The following PACS2 variants were observed in gnomAD, a reference collection of about 807,000 sequenced individuals.
The protein encoded by PACS2 is phosphofurin acidic cluster sorting protein 2.
Under a neutral mutation model 113.0 loss-of-function variants are expected in PACS2, and 36 were observed. The ratio of observed to expected loss-of-function variants is 0.32; its 90% CI spans 0.24 to 0.42. The LOEUF (loss-of-function observed/expected upper bound fraction) is 0.42, where lower values mean the gene tolerates loss of function less well. Among genes scored for constraint, PACS2 ranks in the 10% least tolerant of loss-of-function variants. The pLI is 1.00. For synonymous variants in PACS2, 589 were observed against 536.1 expected (o/e 1.10, Z -1.36); for missense variants, 1,015 against 1,239.5 (o/e 0.82, Z 2.72).
At chr14:105,322,676 A>G (rs1490808267) in intron 1 of PACS2, among the ~76,000 whole-genome samples, 1 of 152,146 alleles carries the variant, frequency 6.6e-6, no homozygotes, top group East Asian at 1.9e-4. Context: ...GTTTATATTT[A>G]TATGATTTTG....
rs2060923793 is a variant in PACS2 at position 105,365,808 on chromosome 14, A to C, written c.424-1405A>C. Among the ~76,000 whole-genome samples, 1 of 152,040 alleles carries C rather than the reference A, an allele frequency of 6.6e-6. No individual in the cohort carries two copies. The highest frequency in any genetic ancestry group is 2.4e-5 in the African/African-American group (1 of 41,384). ...CTGAGACCCTGCCACATCAGATGCC[A>C]CTCTGAGAAGGCGACTCAGGGTGCT... On this transcript the variant is annotated intron_variant, in intron 4 of 24. Coordinates refer to ENST00000447393, the MANE Select transcript of PACS2 (RefSeq NM_001100913.3). This position sits in a 1 kb window ranked among gnomAD's most constrained non-coding sequence, Gnocchi z 5.1.
chr14:105,301,430 G>A (rs2058021316), intron 1 of PACS2, among the ~76,000 whole-genome samples: 1 of 151,622 alleles, frequency 6.6e-6, no homozygotes, highest in South Asian at 2.1e-4. Flanking sequence ...GGGGCTTGAG[G>A]CGAGGGGGCC....
intron 1 of PACS2, among the ~76,000 whole-genome samples, chr14:105,304,315 C>A (rs2058116515): frequency 6.6e-6 from 1 of 152,058 alleles, no homozygotes; most frequent in Admixed American, 6.6e-5. Flanking sequence ...CATGGTGAAA[C>A]CCATCTTTCC....
In PACS2 at chr14:105,329,655, G is replaced by T. The variant is rs1358110713; in HGVS notation, c.119+14618G>T. ...GGGCTTCTCACGATGGCTCAGGGAG[G>T]TCCAGACAGCCCCCTTGTCTAGGTG... On this transcript the variant is annotated intron_variant, in intron 1 of 24. Coordinates refer to ENST00000447393, the MANE Select transcript of PACS2 (RefSeq NM_001100913.3). The surrounding 1 kb of genome is among the most constrained non-coding windows in gnomAD (Gnocchi z 6.4). Among the ~76,000 whole-genome samples, 1 of 152,180 alleles carries T rather than the reference G, an allele frequency of 6.6e-6. No homozygotes were observed. Among genetic ancestry groups the T allele is most frequent in the Non-Finnish European group, 1.5e-5 (1 of 68,020 alleles).
chr14:105,341,106 C>G (rs962574505), intron 1 of PACS2, among the ~76,000 whole-genome samples: 1 of 152,268 alleles, frequency 6.6e-6, no homozygotes, highest in African/African-American at 2.4e-5. Flanking sequence ...GCGGGGAGAG[C>G]ACACAGTGCG....
chr14:105,315,039 T>C lies in PACS2; in HGVS notation c.119+2T>C. 8.5e-7 allele frequency: 1 copy of C among 1,179,936 alleles called. No individual in the cohort carries two copies. Among genetic ancestry groups the C allele is most frequent in the Non-Finnish European group, 1.1e-6 (1 of 943,852 alleles). The allele number at this position is 1,179,936 out of a possible 1,614,324, so 73.1% of individuals were successfully genotyped here. On this transcript the variant is annotated splice_donor_variant, in intron 1 of 24. Coordinates refer to ENST00000447393, the MANE Select transcript of PACS2 (RefSeq NM_001100913.3). LOFTEE classifies it high-confidence loss of function. The surrounding 1 kb of genome is among the most constrained non-coding windows in gnomAD (Gnocchi z 4.4). The stretch of plus-strand genomic sequence containing the variant: ...CTCCAGCCCCAGCTGCGTGCCCAGG[T>C]ACGCGCCGCCCGCCGCGCTTTGTTC...
chr14:105,348,641 G>GC lies in PACS2; in HGVS notation c.207+61_207+62insC. ...CTGTGTAGGCTTTCCATGTGCCTGGGAGACGAGTCAGGCGGTGCGCTACTG... is the reference window on the plus strand; with the variant it reads ...CTGTGTAGGCTTTCCATGTGCCTGGGCAGACGAGTCAGGCGGTGCGCTACTG... On this transcript the variant is annotated intron_variant, in intron 2 of 24. Transcript: ENST00000447393. This position sits in a 1 kb window ranked among gnomAD's most constrained non-coding sequence, Gnocchi z 6.4. 2 of 1,238,550 alleles carry GC rather than the reference G, an allele frequency of 1.6e-6. No homozygotes were observed. Among genetic ancestry groups the GC allele is most frequent in the Non-Finnish European group, 2.4e-6 (2 of 844,774 alleles). The allele number at this position is 1,238,550 out of a possible 1,614,324, so 76.7% of individuals were successfully genotyped here. A position where few individuals can be genotyped will look rare whatever the true frequency, so the allele number is the denominator to read the frequency against.
intron 2 of PACS2, among the ~76,000 whole-genome samples, chr14:105,350,252 T>G (rs1305627474): frequency 6.6e-6 from 1 of 151,796 alleles, no homozygotes; most frequent in Non-Finnish European, 1.5e-5. Flanking sequence ...GGGGCAGGGG[T>G]CAGGGTCTCA....
chr14:105,358,069 G>T lies in PACS2; in HGVS notation c.423+2892G>T, dbSNP rs1365198604. ...TCCCTTCAAATGGGTGCACACGCAGGGGGCAGGAGGGGCTGGGAGCAGCCT... is the reference window on the plus strand; with the variant it reads ...TCCCTTCAAATGGGTGCACACGCAGTGGGCAGGAGGGGCTGGGAGCAGCCT... On this transcript the variant is annotated intron_variant, in intron 4 of 24. Transcript: ENST00000447393. The surrounding 1 kb of genome is among the most constrained non-coding windows in gnomAD (Gnocchi z 4.9). Among the ~76,000 whole-genome samples the T allele has an allele frequency of 6.6e-6, 1 of 152,208 alleles. No homozygotes were observed. The highest frequency in any genetic ancestry group is 6.5e-5 in the Admixed American group (1 of 15,286).
Position 105,356,284 on chromosome 14 carries a change from G to A in PACS2, c.423+1107G>A, listed in dbSNP as rs1327674327. On this transcript the variant is annotated intron_variant, in intron 4 of 24. Coordinates refer to ENST00000447393, the MANE Select transcript of PACS2 (RefSeq NM_001100913.3). This position sits in a 1 kb window ranked among gnomAD's most constrained non-coding sequence, Gnocchi z 4.0. ...AGTGCCAAGTACTACTCTGGGCTCA[G>A]CCCTCCCTGCTACCCCAGGAGATGG... Among the ~76,000 whole-genome samples the A allele has an allele frequency of 1.3e-5, 2 of 152,204 alleles. No homozygotes were observed. The highest frequency in any genetic ancestry group is 4.8e-5 in the African/African-American group (2 of 41,452).
At chr14:105,381,147 G>C in intron 12 of PACS2, 48 bp downstream of exon 12, 2 of 1,554,136 alleles carry the variant, frequency 1.3e-6, no homozygotes, top group Non-Finnish European at 1.8e-6. Context: ...ACCTGTCGGG[G>C]GAGGGGCCGT....
At chr14:105,335,496 C>T (rs752674116) in intron 1 of PACS2, among the ~76,000 whole-genome samples, 110 of 152,206 alleles carry the variant, frequency 7.2e-4, no homozygotes, top group Non-Finnish European at 1.4e-3. Flanking sequence ...GACTCCGGCA[C>T]CATCAGTTCC....
Position 105,317,100 on chromosome 14 carries a change from G to A in PACS2, c.119+2063G>A, listed in dbSNP as rs959065794. Reference sequence around the variant, plus strand: ...CTTAGTTTTGCTTTGTTCCTCCTGAGTTCTTCTGTACTCCTCACTTTTGCC... The same window carrying A: ...CTTAGTTTTGCTTTGTTCCTCCTGAATTCTTCTGTACTCCTCACTTTTGCC... On this transcript the variant is annotated intron_variant, in intron 1 of 24. Transcript: ENST00000447393. The surrounding 1 kb of genome is among the most constrained non-coding windows in gnomAD (Gnocchi z 4.2). 6.6e-6 allele frequency among the ~76,000 whole-genome samples: 1 copy of A among 152,208 alleles called. No individual in the cohort carries two copies. The highest frequency in any genetic ancestry group is 2.4e-5 in the African/African-American group (1 of 41,446).
At chr14:105,371,096 GGT>G (rs2061133199) in intron 8 of PACS2, 1 of 152,304 alleles carries the variant, frequency 6.6e-6, no homozygotes, top group Non-Finnish European at 1.5e-5. Flanking sequence ...TTTGTGGCCC[GGT>G]GGGGCAGGCA....
intron 19 of PACS2, among the ~76,000 whole-genome samples, chr14:105,386,513 G>C (rs1175436094): frequency 6.6e-6 from 1 of 152,156 alleles, no homozygotes; most frequent in African/African-American, 2.4e-5. Flanking sequence ...CACCCCCAAA[G>C]CTGCCCTTTC....
At chr14:105,381,370 CCT>C (rs1467108676) in intron 12 of PACS2, among the ~76,000 whole-genome samples, 1 of 152,350 alleles carries the variant, frequency 6.6e-6, no homozygotes, top group African/African-American at 2.4e-5. Context: ...CCCACATCCC[CCT>C]GAGTAGCCCC....
In PACS2 at chr14:105,384,863, C is replaced by T. The variant is rs2081120004; in HGVS notation, c.1892-16C>T. Reference sequence around the variant, plus strand: ...CTGGCACCAGCCTAACCCCCCACCGCCTCCTCCCCCTGCAGTACAGGACAC... The same window carrying T: ...CTGGCACCAGCCTAACCCCCCACCGTCTCCTCCCCCTGCAGTACAGGACAC... On this transcript the variant is annotated splice_polypyrimidine_tract_variant and intron_variant, in intron 17 of 24. Coordinates refer to ENST00000447393, the MANE Select transcript of PACS2 (RefSeq NM_001100913.3). The T allele has an allele frequency of 6.6e-7, 1 of 1,518,114 alleles. No homozygotes were observed. The highest frequency in any genetic ancestry group is 9.0e-7 in the Non-Finnish European group (1 of 1,112,852). The allele number at this position is 1,518,114 out of a possible 1,614,324, so 94.0% of individuals were successfully genotyped here. A position where few individuals can be genotyped will look rare whatever the true frequency, so the allele number is the denominator to read the frequency against.
chr14:105,372,230 C>T (rs782229969), intron 8 of PACS2: 3 of 152,260 alleles, frequency 2.0e-5, no homozygotes, highest in Non-Finnish European at 1.5e-5. Context: ...TCCTTACAGC[C>T]CTCAGCTTCA....
chr14:105,352,994 C>CA (rs2060269385), intron 3 of PACS2, among the ~76,000 whole-genome samples: 2 of 101,040 alleles, frequency 2.0e-5, no homozygotes, highest in Admixed American at 1.1e-4. Context: ...CCTGGGGTGA[C>CA]GGGCCCCCTC....
Sources: gnomAD v4.1 joint callset for allele counts (sites outside exome capture counted in the v4.1 genomes callset) on GRCh38, gnomAD v4.1.1 for gene constraint, Gnocchi (gnomAD v3.1) non-coding constraint, MANE v1.5 for transcripts, NCBI Gene and HGNC (gene_info 2026-07-23, HGNC 2026-07-21) for gene names.